CAST: variants seen among roughly 807,000 people sequenced by gnomAD.
CAST encodes the protein MIR583 host.
In CAST, 76 loss-of-function variants were observed where a neutral mutation model predicts 119.6. That is an observed-to-expected ratio of 0.64 (90% CI 0.53 to 0.77). The LOEUF (loss-of-function observed/expected upper bound fraction) is 0.77. Ranked by LOEUF, CAST falls within the 30% of genes least tolerant of loss-of-function variation. The probability of loss-of-function intolerance (pLI) is 0.00; values close to 1 mark genes in which losing one functional copy is unlikely to be tolerated. For missense variants in CAST, 953 were observed against 946.5 expected, an observed-to-expected ratio of 1.01 and a Z score of -0.09; for synonymous variants, 319 against 331.6, an observed-to-expected ratio of 0.96 and a Z score of 0.41.
At chr5:96,616,169 A>G (rs1747452517) in intron 1 of CAST, among the ~76,000 whole-genome samples, 1 of 152,192 alleles carries the variant, frequency 6.6e-6, no homozygotes, top group Non-Finnish European at 1.5e-5. Context: ...ACCCTCACAG[A>G]TACACCCAGG....
chr5:95,990,879 C>T, the CAST span, among the ~76,000 whole-genome samples: 19 of 152,170 alleles, frequency 1.2e-4, no homozygotes, highest in South Asian at 6.2e-4. Context: ...ACTAGGATTA[C>T]AGGTGTGAGC....
chr5:96,663,697 C>T (rs1748914070), intron 1 of CAST, among the ~76,000 whole-genome samples: 3 of 152,056 alleles, frequency 2.0e-5, no homozygotes. Context: ...GACCAAGACC[C>T]TTGGAGAGAG....
At chr5:96,150,005 T>C in the CAST span, among the ~76,000 whole-genome samples, 2 of 152,214 alleles carry the variant, frequency 1.3e-5, no homozygotes, top group Admixed American at 1.3e-4. Context: ...ATCTTCATCC[T>C]ATTGTATATT....
the CAST span, among the ~76,000 whole-genome samples, chr5:96,441,643 T>G: frequency 6.6e-6 from 1 of 152,158 alleles, no homozygotes. Context: ...AAAGGGACTA[T>G]GTAAACTCAA....
intron 1 of CAST, among the ~76,000 whole-genome samples, chr5:96,590,838 T>G (rs1015166084): frequency 1.3e-5 from 2 of 152,200 alleles, no homozygotes; most frequent in Non-Finnish European, 2.9e-5. Flanking sequence ...TTAAAAATGA[T>G]TCGTCAATTA....
At chr5:96,729,818 TG>T (rs1210109145) in intron 8 of CAST, 93 bp downstream of exon 8, 1 of 700,172 alleles carries the variant, frequency 1.4e-6, no homozygotes, top group African/African-American at 1.8e-5. Flanking sequence ...GTTCAATCTA[TG>T]GGGCTGTGCT....
At chr5:96,415,387 T>C in the CAST span, among the ~76,000 whole-genome samples, 1 of 152,214 alleles carries the variant, frequency 6.6e-6, no homozygotes, top group East Asian at 1.9e-4. Context: ...TTCTGCTGAC[T>C]TCTTCCCTTT....
chr5:96,206,019 G>A, the CAST span, among the ~76,000 whole-genome samples: 2 of 152,002 alleles, frequency 1.3e-5, no homozygotes, highest in South Asian at 2.1e-4. Context: ...TCTGAATGAT[G>A]TCGGATAGTA....
intron 1 of CAST, among the ~76,000 whole-genome samples, chr5:96,609,391 T>C (rs984773032): frequency 5.9e-5 from 9 of 151,342 alleles, no homozygotes; most frequent in African/African-American, 2.0e-4. Flanking sequence ...TTATGGACTT[T>C]GAGATAAACC....
At chr5:96,149,433 G>A in the CAST span, among the ~76,000 whole-genome samples, 1 of 152,152 alleles carries the variant, frequency 6.6e-6, no homozygotes, top group African/African-American at 2.4e-5. Flanking sequence ...TGAGTCTGGG[G>A]GAATTTGCTT....
the CAST span, among the ~76,000 whole-genome samples, chr5:96,461,560 T>A: frequency 2.0e-5 from 3 of 151,984 alleles, no homozygotes; most frequent in Non-Finnish European, 2.9e-5. Flanking sequence ...CCTAGTGAAG[T>A]TTTTAGATTA....
chr5:96,432,253 C>T, the CAST span: 4 of 809,070 alleles, frequency 4.9e-6, no homozygotes, highest in Admixed American at 2.4e-5. Flanking sequence ...GTGTCTTTCA[C>T]CCACCATTTC....
At chr5:96,471,776 G>C in the CAST span, among the ~76,000 whole-genome samples, 3 of 134,052 alleles carry the variant, frequency 2.2e-5, no homozygotes, top group African/African-American at 8.8e-5. Context: ...GTGTGTGTGT[G>C]TGTGTGTGTG....
At chr5:96,452,496 G>T in the CAST span, among the ~76,000 whole-genome samples, 1 of 152,078 alleles carries the variant, frequency 6.6e-6, no homozygotes, top group South Asian at 2.1e-4. Context: ...CTGTTGCGGG[G>T]TAGGAGGCCA....
the CAST span, among the ~76,000 whole-genome samples, chr5:96,508,891 T>G: frequency 9.7e-4 from 148 of 152,364 alleles, no homozygotes; most frequent in African/African-American, 3.4e-3. Flanking sequence ...CCCAATCATG[T>G]GACCTGAAGT....
At chr5:96,177,574 T>C in the CAST span, among the ~76,000 whole-genome samples, 7 of 152,218 alleles carry the variant, frequency 4.6e-5, no homozygotes, top group Non-Finnish European at 8.8e-5. Context: ...GTTCAGGGAA[T>C]GGCAAGGTCT....
the CAST span, among the ~76,000 whole-genome samples, chr5:96,347,704 T>C: frequency 8.5e-5 from 13 of 152,126 alleles, no homozygotes; most frequent in Non-Finnish European, 1.9e-4. Context: ...ACCAAGTTCC[T>C]AAGAGTCATC....
chr5:96,702,740 CG>C, intron 3 of CAST: 1 of 984,392 alleles, frequency 1.0e-6, no homozygotes, highest in Non-Finnish European at 1.2e-6. Flanking sequence ...GGGGCGGGGC[CG>C]CCGGGCAGGG....
intron 2 of CAST, chr5:96,679,595 AT>A (rs1222301453): frequency 6.6e-6 from 1 of 152,228 alleles, no homozygotes; most frequent in Non-Finnish European, 1.5e-5. Context: ...CAGAGAGCCA[AT>A]TTTAAAAGCT....
Sources: gnomAD v4.1 joint callset for allele counts (sites outside exome capture counted in the v4.1 genomes callset) on GRCh38, gnomAD v4.1.1 for gene constraint, MANE v1.5 for transcripts, NCBI Gene and HGNC (gene_info 2026-07-23, HGNC 2026-07-21) for gene names.